Variants in BANK1 observed in about 807,000 individuals in gnomAD.
BANK1 encodes B-cell scaffold protein with ankyrin repeats.
Under a neutral mutation model 94.5 loss-of-function variants are expected in BANK1, and 95 were observed. The ratio of observed to expected loss-of-function variants is 1.00; its 90% CI spans 0.85 to 1.19. BANK1 has a LOEUF of 1.19. BANK1 is among the 50% of genes most tolerant of loss of function. The probability of loss-of-function intolerance (pLI) is 0.00; values close to 1 mark genes in which losing one functional copy is unlikely to be tolerated. For missense variants in BANK1, 987 were observed against 932.2 expected, an observed-to-expected ratio of 1.06 and a Z score of -0.77; for synonymous variants, 334 against 308.4, an observed-to-expected ratio of 1.08 and a Z score of -0.87.
rs906973873 is a variant in BANK1, at chr4:101,917,921, T to C, written c.1010-72T>C. 110 of 1,081,804 alleles carry C rather than the reference T, an allele frequency of 1.0e-4. No homozygotes were observed. The Middle Eastern group carries it at 1.3e-3, about 13-fold the overall frequency. The allele number at this position is 1,081,804 out of a possible 1,614,324, so 67.0% of individuals were successfully genotyped here. ...TATGGGAATTACTTTTAGGAGCAGA[T>C]TGTGTTAGACCTTTTAATGAGATTG... is the stretch of plus-strand genomic sequence containing the variant. On this transcript the variant is annotated intron_variant, in intron 6 of 16. Coordinates refer to ENST00000322953, the MANE Select transcript of BANK1 (RefSeq NM_017935.5).
rs150388568 is a variant in BANK1, at chr4:101,880,024, T to C, written c.903+9380T>C. On this transcript the variant is annotated intron_variant, in intron 5 of 16. Coordinates refer to ENST00000322953, the MANE Select transcript of BANK1 (RefSeq NM_017935.5). Reference sequence around the variant, plus strand: ...AACTCAAATACTTTTCTCTAAGATCTGGAAGATGACAAAGATGCCCACTTT... The same window carrying C: ...AACTCAAATACTTTTCTCTAAGATCCGGAAGATGACAAAGATGCCCACTTT... Among the ~76,000 whole-genome samples, 85 of 152,194 alleles carry C rather than the reference T, an allele frequency of 5.6e-4. No homozygotes were observed. In the East Asian group the frequency reaches 0.015, roughly 28 times the overall value.
At chr4:101,855,321 C>T (rs1288002694) in intron 3 of BANK1, 132 bp downstream of exon 3, 3 of 783,400 alleles carry the variant, frequency 3.8e-6, no homozygotes, top group African/African-American at 3.5e-5. Context: ...TCAAGAGATC[C>T]TCCTGCCTCA....
intron 10 of BANK1, chr4:102,032,361 CT>C (rs1000007260): frequency 3.3e-5 from 5 of 152,038 alleles, no homozygotes; most frequent in Non-Finnish European, 5.9e-5. Flanking sequence ...CTCTGTTGTT[CT>C]TTTTTGTAGA....
chr4:101,837,340 T>C (rs1726867525), intron 2 of BANK1, among the ~76,000 whole-genome samples: 2 of 152,212 alleles, frequency 1.3e-5, no homozygotes, highest in Non-Finnish European at 1.5e-5. Context: ...CTGACTTTTT[T>C]TCTTTCTCTA....
At chr4:101,960,988 G>C (rs1317036133) in intron 7 of BANK1, among the ~76,000 whole-genome samples, 2 of 152,098 alleles carry the variant, frequency 1.3e-5, no homozygotes, top group African/African-American at 2.4e-5. Context: ...TCTGACTTGA[G>C]AAGCAAGAGA....
At chr4:102,062,372 A>G (rs1414034967) in intron 12 of BANK1, 1 of 152,240 alleles carries the variant, frequency 6.6e-6, no homozygotes, top group African/African-American at 2.4e-5. Flanking sequence ...CACCACTGGT[A>G]GGAGAGATCT....
At chr4:102,024,145 A>T (rs1312449511) in intron 8 of BANK1, among the ~76,000 whole-genome samples, 1 of 152,182 alleles carries the variant, frequency 6.6e-6, no homozygotes, top group Non-Finnish European at 1.5e-5. Context: ...CATGGGCATG[A>T]TTTTTCTACA....
intron 7 of BANK1, among the ~76,000 whole-genome samples, chr4:101,999,199 A>G (rs1353622936): frequency 6.6e-6 from 1 of 152,040 alleles, no homozygotes. Flanking sequence ...TCAGTTGAAT[A>G]CTCTCAATAT....
chr4:102,066,660 T>C (rs986940793), intron 13 of BANK1, among the ~76,000 whole-genome samples: 1 of 152,056 alleles, frequency 6.6e-6, no homozygotes, highest in Admixed American at 6.6e-5. Flanking sequence ...TGAAATGAGA[T>C]AATTCATAGC....
intron 1 of BANK1, among the ~76,000 whole-genome samples, chr4:101,795,357 CTGT>C (rs1468813983): frequency 6.6e-6 from 1 of 151,672 alleles, no homozygotes; most frequent in Non-Finnish European, 1.5e-5. Context: ...TAATAATTCA[CTGT>C]GTTCTTTTAT....
chr4:101,835,639 A>G (rs1158759064), intron 2 of BANK1, among the ~76,000 whole-genome samples: 1 of 152,220 alleles, frequency 6.6e-6, no homozygotes, highest in African/African-American at 2.4e-5. Context: ...GAAACAAACT[A>G]TGCAGAAGCA....
chr4:101,820,521 A>G (rs906889742), intron 1 of BANK1, among the ~76,000 whole-genome samples: 1 of 152,184 alleles, frequency 6.6e-6, no homozygotes, highest in African/African-American at 2.4e-5. Flanking sequence ...GGTTTGTTAC[A>G]TAGGTAAACT....
intron 1 of BANK1, among the ~76,000 whole-genome samples, chr4:101,828,265 T>G (rs907958338): frequency 6.6e-6 from 1 of 151,720 alleles, no homozygotes; most frequent in East Asian, 1.9e-4. Context: ...ATACATGTGA[T>G]AATGTTACAA....
chr4:101,897,903 A>C (rs1414731592), intron 6 of BANK1, among the ~76,000 whole-genome samples: 3 of 152,012 alleles, frequency 2.0e-5, no homozygotes, highest in Admixed American at 2.0e-4. Flanking sequence ...CAAAGGTTAT[A>C]AAGATAGTAG....
intron 7 of BANK1, among the ~76,000 whole-genome samples, chr4:101,926,690 G>A (rs1723163326): frequency 6.6e-6 from 1 of 151,750 alleles, no homozygotes; most frequent in African/African-American, 2.4e-5. Flanking sequence ...ATTGCATAAA[G>A]TGGTGCGTAA....
intron 7 of BANK1, among the ~76,000 whole-genome samples, chr4:101,956,999 C>T (rs989207412): frequency 6.6e-6 from 1 of 152,148 alleles, no homozygotes; most frequent in African/African-American, 2.4e-5. Context: ...AGATTATGCC[C>T]ATCATCTCCT....
At chr4:101,915,102 C>A (rs1449613038) in intron 6 of BANK1, among the ~76,000 whole-genome samples, 1 of 152,036 alleles carries the variant, frequency 6.6e-6, no homozygotes, top group East Asian at 1.9e-4. Context: ...TGAATTTGCA[C>A]AAACAGAATT....
chr4:101,972,314 G>A (rs1724984193), intron 7 of BANK1: 1 of 152,026 alleles, frequency 6.6e-6, no homozygotes. Context: ...TTCCTTTTTG[G>A]ATAGTTTATT....
intron 11 of BANK1, among the ~76,000 whole-genome samples, chr4:102,047,530 AC>A (rs1230386927): frequency 6.6e-6 from 1 of 152,170 alleles, no homozygotes; most frequent in Non-Finnish European, 1.5e-5. Flanking sequence ...TAGGATCAGA[AC>A]AGCTACGAAA....
Sources: gnomAD v4.1 joint callset for allele counts (sites outside exome capture counted in the v4.1 genomes callset) on GRCh38, gnomAD v4.1.1 for gene constraint, MANE v1.5 for transcripts, NCBI Gene and HGNC (gene_info 2026-07-23, HGNC 2026-07-21) for gene names.